CEP89: variants seen among roughly 807,000 people sequenced by gnomAD.
CEP89 encodes the protein centrosomal protein of 89 kDa.
Under a neutral mutation model 97.6 loss-of-function variants are expected in CEP89, and 95 were observed. That is an observed-to-expected ratio of 0.97 (90% confidence interval 0.82 to 1.15). The LOEUF (loss-of-function observed/expected upper bound fraction) is 1.15. Among genes scored for constraint, CEP89 ranks in the 50% most tolerant of loss-of-function variants. The pLI is 0.00. For synonymous variants in CEP89, 354 were observed against 349.1 expected, an observed-to-expected ratio of 1.01 and a Z score of -0.16; for missense variants, 869 against 947.7, an observed-to-expected ratio of 0.92 and a Z score of 1.09.
chr19:32,971,881 A>T lies in CEP89; in HGVS notation c.-7T>A. 6.3e-7 allele frequency: 1 copy of T among 1,586,728 alleles called. No homozygotes were observed. The highest frequency in any genetic ancestry group is 8.6e-7 in the Non-Finnish European group (1 of 1,165,172). On this transcript the variant is annotated 5_prime_UTR_variant, in exon 1 of 19. Transcript: ENST00000305768. ...TCCGAAATCCCAGGAGCATCCTTGC[A>T]GCGCGAGGAGAATGGACCGGGGCCT...
At chr19:32,918,094 C>T (rs1443405502) in intron 13 of CEP89, 130 bp downstream of exon 13, 1 of 743,998 alleles carries the variant, frequency 1.3e-6, no homozygotes, top group African/African-American at 1.7e-5. Context: ...TAAACAGCCA[C>T]ATTCCAGTCA....
At chr19:32,970,313 G>A (rs1971373228) in intron 1 of CEP89, 1 of 152,220 alleles carries the variant, frequency 6.6e-6, no homozygotes, top group African/African-American at 2.4e-5. Context: ...TAAGCTGTCA[G>A]TTGTGGGTAT....
intron 12 of CEP89, among the ~76,000 whole-genome samples, chr19:32,918,872 CT>C (rs1357691557): frequency 1.7e-5 from 2 of 116,818 alleles, no homozygotes; most frequent in Middle Eastern, 4.4e-3. Flanking sequence ...TTTCTTTTTT[CT>C]TTTTCTTTTT....
intron 5 of CEP89, 132 bp downstream of exon 5, chr19:32,948,134 A>G (rs1200840939): frequency 1.8e-6 from 1 of 550,978 alleles, no homozygotes; most frequent in African/African-American, 1.9e-5. Flanking sequence ...AATAAATTTC[A>G]ATTATATTCC....
chr19:32,890,377 G>A (rs1222435448), intron 16 of CEP89, among the ~76,000 whole-genome samples: 1 of 152,076 alleles, frequency 6.6e-6, no homozygotes, highest in African/African-American at 2.4e-5. Flanking sequence ...TTCAGCCTGG[G>A]TGACACAGCG....
intron 9 of CEP89, 94 bp from the exon 10 acceptor site, chr19:32,927,078 A>T: frequency 1.8e-6 from 2 of 1,132,502 alleles, no homozygotes; most frequent in Non-Finnish European, 2.6e-6. Flanking sequence ...GGCATTGCCC[A>T]TCTATGCATT....
chr19:32,892,121 T>C (rs1469581244), intron 16 of CEP89, among the ~76,000 whole-genome samples: 1 of 145,238 alleles, frequency 6.9e-6, no homozygotes, highest in Non-Finnish European at 1.5e-5. Flanking sequence ...GACATACATA[T>C]ATTTAGACAT....
rs143522090 is a variant in CEP89, at chr19:32,907,376, T to C, written c.1566-5964A>G. 2.7e-3 allele frequency among the ~76,000 whole-genome samples: 408 copies of C among 151,900 alleles called. 2 individuals are homozygous for C. Among genetic ancestry groups the C allele is most frequent in the African/African-American group, 9.4e-3 (389 of 41,418 alleles). On this transcript the variant is annotated intron_variant, in intron 14 of 18. Coordinates refer to ENST00000305768, the MANE Select transcript of CEP89 (RefSeq NM_032816.5). ...CATATCTTAAACTAAAAGAAGAGAA[T>C]AAAGATAACACATTTTAGTCTAACA...
At chr19:32,937,773 G>T in intron 6 of CEP89, 100 bp from the exon 7 acceptor site, 2 of 801,392 alleles carry the variant, frequency 2.5e-6, no homozygotes, top group Admixed American at 2.4e-5. Flanking sequence ...ATATAAGCAT[G>T]CTTTATTTCC....
intron 5 of CEP89, among the ~76,000 whole-genome samples, chr19:32,941,727 T>C (rs1455388344): frequency 6.6e-6 from 1 of 151,972 alleles, no homozygotes; most frequent in Non-Finnish European, 1.5e-5. Context: ...CTCCTTTCCC[T>C]ACCACCTTCC....
At chr19:32,925,027 C>T (rs1970325888) in intron 11 of CEP89, among the ~76,000 whole-genome samples, 1 of 152,176 alleles carries the variant, frequency 6.6e-6, no homozygotes, top group Admixed American at 6.5e-5. Context: ...GAAAATTAAG[C>T]ATCCAACACT....
chr19:32,919,838 G>T (rs1970211177), intron 12 of CEP89, among the ~76,000 whole-genome samples: 1 of 152,142 alleles, frequency 6.6e-6, no homozygotes, highest in Non-Finnish European at 1.5e-5. Context: ...TAGAGACAGG[G>T]TTTCACCATG....
chr19:32,915,488 G>A lies in CEP89; in HGVS notation c.1414C>T (p.Leu472=). 1.2e-6 allele frequency: 2 copies of A among 1,611,736 alleles called. No homozygotes were observed. The highest frequency in any genetic ancestry group is 8.5e-7 in the Non-Finnish European group (1 of 1,179,508). Residue 472 remains leucine, a synonymous_variant, in exon 14 of 19, where the codon CTG becomes TTG. Coordinates refer to ENST00000305768, the MANE Select transcript of CEP89 (RefSeq NM_032816.5). ...VSKLTKQLML[L]EAKTHGQEKE... ...TCCTGGCCGTGGGTTTTTGCCTCCA[G>A]GAGCATTAGTTGTTTAGTCAGCTTA...
chr19:32,944,484 A>C (rs575392047), intron 5 of CEP89, among the ~76,000 whole-genome samples: 1 of 152,218 alleles, frequency 6.6e-6, no homozygotes, highest in African/African-American at 2.4e-5. Context: ...TGCTCCTGAG[A>C]CATCATCAGA....
intron 2 of CEP89, among the ~76,000 whole-genome samples, chr19:32,964,853 C>CT (rs921162581): frequency 2.0e-5 from 3 of 152,074 alleles, no homozygotes; most frequent in Non-Finnish European, 4.4e-5. Context: ...TATTTATTAT[C>CT]TTTTTTTCTT....
At chr19:32,970,354 G>A (rs1021596231) in intron 1 of CEP89, 2 of 152,102 alleles carry the variant, frequency 1.3e-5, no homozygotes, top group African/African-American at 4.8e-5. Flanking sequence ...TTAATGTTTG[G>A]GGCTTTAAAT....
At chr19:32,914,416 C>T (rs912056475) in intron 14 of CEP89, among the ~76,000 whole-genome samples, 6 of 152,100 alleles carry the variant, frequency 3.9e-5, no homozygotes, top group East Asian at 3.9e-4. Context: ...CATACCACCA[C>T]GCCTGGCTAG....
chr19:32,906,506 C>T (rs924091691), intron 14 of CEP89, among the ~76,000 whole-genome samples: 1 of 151,934 alleles, frequency 6.6e-6, no homozygotes, highest in African/African-American at 2.4e-5. Flanking sequence ...TCTTAAATCC[C>T]CAAAGATATT....
rs990946484 is a variant in CEP89 at position 32,936,083 on chromosome 19, C to T, written c.667+1548G>A. Among the ~76,000 whole-genome samples, 1 of 152,094 alleles carries T rather than the reference C, an allele frequency of 6.6e-6. No individual in the cohort carries two copies. Among genetic ancestry groups the T allele is most frequent in the South Asian group, 2.1e-4 (1 of 4,822 alleles). ...CCTGGGTGTCTCTGCAGTCTGCACC[C>T]TCGGGGGCCTGGGAAGGCTCCCGTG... On this transcript the variant is annotated intron_variant, in intron 7 of 18. Transcript: ENST00000305768. This position sits in a 1 kb window ranked among gnomAD's most constrained non-coding sequence, Gnocchi z 4.5.
Sources: gnomAD v4.1 joint callset for allele counts (sites outside exome capture counted in the v4.1 genomes callset) on GRCh38, gnomAD v4.1.1 for gene constraint, Gnocchi (gnomAD v3.1) non-coding constraint, MANE v1.5 for transcripts, NCBI Gene and HGNC (gene_info 2026-07-23, HGNC 2026-07-21) for gene names.